UVRAG: variants seen among roughly 807,000 people sequenced by gnomAD.
The protein encoded by UVRAG is UV radiation resistance-associated gene protein.
In UVRAG, 19 loss-of-function variants were observed where a neutral mutation model predicts 78.0. The ratio of observed to expected loss-of-function variants is 0.24; its 90% CI spans 0.17 to 0.36. UVRAG has a LOEUF of 0.36. Among genes scored for constraint, UVRAG ranks in the 10% least tolerant of loss-of-function variants. UVRAG has a pLI of 1.00. For missense variants in UVRAG, 740 were observed against 853.8 expected, an observed-to-expected ratio of 0.87 and a Z score of 1.66; for synonymous variants, 323 against 324.6, an observed-to-expected ratio of 1.00 and a Z score of 0.05.
At chr11:76,079,342 G>A (rs192630995) in intron 13 of UVRAG, among the ~76,000 whole-genome samples, 3 of 151,938 alleles carry the variant, frequency 2.0e-5, no homozygotes, top group East Asian at 1.9e-4. Flanking sequence ...AAAATTATCC[G>A]GACATAGTGG....
intron 1 of UVRAG, among the ~76,000 whole-genome samples, chr11:75,844,314 G>A (rs762507922): frequency 2.0e-5 from 3 of 151,454 alleles, no homozygotes; most frequent in East Asian, 1.9e-4. Context: ...TGCAAGTTCC[G>A]CCTCCTGGGT....
chr11:75,963,973 T>G (rs1948963196), intron 7 of UVRAG, among the ~76,000 whole-genome samples: 1 of 152,144 alleles, frequency 6.6e-6, no homozygotes, highest in Non-Finnish European at 1.5e-5. Flanking sequence ...TGTTTCAGAT[T>G]TTGTCAGATT....
rs550200165 is a variant in UVRAG at position 76,119,485 on chromosome 11, A to G, written c.1397+3470A>G. Reference sequence around the variant, plus strand: ...CTCTGGATAGCCAGGGGCCTACTTGACTCTGCCCCTGGGAGTATTAGAAGC... The same window carrying G: ...CTCTGGATAGCCAGGGGCCTACTTGGCTCTGCCCCTGGGAGTATTAGAAGC... On this transcript the variant is annotated intron_variant, in intron 14 of 14. Coordinates refer to ENST00000356136, the MANE Select transcript of UVRAG (RefSeq NM_003369.4). Among the ~76,000 whole-genome samples the G allele has an allele frequency of 6.6e-5, 10 of 151,886 alleles. No homozygotes were observed. The East Asian group carries it at 1.5e-3, about 24-fold the overall frequency.
chr11:75,959,238 C>G (rs1234637836), intron 6 of UVRAG, among the ~76,000 whole-genome samples: 2 of 152,216 alleles, frequency 1.3e-5, no homozygotes, highest in African/African-American at 4.8e-5. Context: ...CTTCTCCTCT[C>G]TAGCTATGAA....
intron 5 of UVRAG, among the ~76,000 whole-genome samples, chr11:75,910,798 T>C (rs1303829331): frequency 1.3e-5 from 2 of 152,344 alleles, no homozygotes; most frequent in African/African-American, 2.4e-5. Flanking sequence ...AATTGTCCTG[T>C]ATTCTTTTTA....
intron 5 of UVRAG, among the ~76,000 whole-genome samples, chr11:75,895,704 T>C (rs1481043765): frequency 6.6e-6 from 1 of 152,078 alleles, no homozygotes; most frequent in Non-Finnish European, 1.5e-5. Flanking sequence ...CTTGAACTTC[T>C]GGGCTCAAAT....
intron 8 of UVRAG, among the ~76,000 whole-genome samples, chr11:76,003,257 A>ATTTTTTTTTTTTTTTT (rs398045280): frequency 9.3e-5 from 5 of 53,788 alleles, no homozygotes; most frequent in Admixed American, 3.5e-4. Flanking sequence ...GAAAATACTG[A>ATTTTTTTTTTTTTTTT]TTTTTTTTTT....
intron 12 of UVRAG, among the ~76,000 whole-genome samples, chr11:76,049,968 T>C (rs1950830690): frequency 6.6e-6 from 1 of 152,332 alleles, no homozygotes; most frequent in South Asian, 2.1e-4. Flanking sequence ...GGGCACTAAA[T>C]TAATAGTGCC....
At chr11:75,892,097 A>G (rs1947224481) in intron 5 of UVRAG, among the ~76,000 whole-genome samples, 1 of 152,176 alleles carries the variant, frequency 6.6e-6, no homozygotes. Context: ...CAAAATAACA[A>G]AACAAGTGAA....
At chr11:76,095,171 G>A (rs143200853) in intron 13 of UVRAG, among the ~76,000 whole-genome samples, 1 of 152,238 alleles carries the variant, frequency 6.6e-6, no homozygotes, top group Non-Finnish European at 1.5e-5. Context: ...GAGTTTGAAA[G>A]GAAATCTGGG....
chr11:76,141,483 C>A lies in UVRAG; in HGVS notation c.*70C>A. On this transcript the variant is annotated 3_prime_UTR_variant, in exon 15 of 15. Coordinates refer to ENST00000356136, the MANE Select transcript of UVRAG (RefSeq NM_003369.4). The stretch of plus-strand genomic sequence containing the variant: ...AATGAAGTGAAAGCTGCACTTAACC[C>A]TTTGTGATAATGATGACACAAAATG... 9 of 1,410,002 alleles carry A rather than the reference C, an allele frequency of 6.4e-6. No homozygotes were observed. Among genetic ancestry groups the A allele is most frequent in the Non-Finnish European group, 8.7e-6 (9 of 1,034,464 alleles). 87.3% of individuals were successfully genotyped at this position (1,410,002 alleles called of 1,614,324 possible).
chr11:76,044,957 G>A (rs1031473903), intron 12 of UVRAG, among the ~76,000 whole-genome samples: 1 of 152,136 alleles, frequency 6.6e-6, no homozygotes, highest in Non-Finnish European at 1.5e-5. Context: ...AAGGGGGAAG[G>A]TTAAGAAGCA....
chr11:76,054,690 C>T (rs1454766765), intron 12 of UVRAG, among the ~76,000 whole-genome samples: 1 of 152,222 alleles, frequency 6.6e-6, no homozygotes, highest in African/African-American at 2.4e-5. Context: ...AAGACTTTCT[C>T]TCACTTCCTT....
chr11:75,906,167 A>G (rs1161070926), intron 5 of UVRAG, among the ~76,000 whole-genome samples: 1 of 152,120 alleles, frequency 6.6e-6, no homozygotes, highest in Non-Finnish European at 1.5e-5. Context: ...TACTTAATTG[A>G]TAGTGTCCTT....
intron 13 of UVRAG, among the ~76,000 whole-genome samples, chr11:76,068,560 C>CT (rs1041336705): frequency 5.9e-5 from 9 of 152,036 alleles, no homozygotes; most frequent in African/African-American, 2.2e-4. Flanking sequence ...TAAAAACTGG[C>CT]TTTTTTATAT....
chr11:76,096,247 G>C (rs1458831233), intron 13 of UVRAG, among the ~76,000 whole-genome samples: 1 of 152,292 alleles, frequency 6.6e-6, no homozygotes, highest in East Asian at 1.9e-4. Context: ...ATTTAACATG[G>C]CTTTTTTGTG....
chr11:75,927,849 T>C (rs183664866), intron 6 of UVRAG, among the ~76,000 whole-genome samples: 60 of 152,314 alleles, frequency 3.9e-4, no homozygotes, highest in Admixed American at 1.3e-3. Flanking sequence ...GCCAGAATCA[T>C]GTAGAGTTTT....
intron 13 of UVRAG, among the ~76,000 whole-genome samples, chr11:76,104,556 T>C (rs1483033464): frequency 6.6e-6 from 1 of 152,214 alleles, no homozygotes; most frequent in Non-Finnish European, 1.5e-5. Flanking sequence ...TCATTATCGT[T>C]AGCACCATCA....
chr11:76,089,393 G>C (rs1457274675), intron 13 of UVRAG, among the ~76,000 whole-genome samples: 3 of 152,044 alleles, frequency 2.0e-5, no homozygotes, highest in Non-Finnish European at 2.9e-5. Flanking sequence ...AATAATTTTA[G>C]ATACAGTAGT....
Sources: gnomAD v4.1 joint callset for allele counts (sites outside exome capture counted in the v4.1 genomes callset) on GRCh38, gnomAD v4.1.1 for gene constraint, MANE v1.5 for transcripts, NCBI Gene and HGNC (gene_info 2026-07-23, HGNC 2026-07-21) for gene names.